The following NPIPB11 variants were observed in gnomAD, a reference collection of about 807,000 sequenced individuals.
NPIPB11 encodes the protein nuclear pore complex-interacting protein family member B11.
Under a neutral mutation model 32.8 loss-of-function variants are expected in NPIPB11, and 17 were observed. The ratio of observed to expected loss-of-function variants is 0.52; its 90% CI spans 0.35 to 0.78. The LOEUF (loss-of-function observed/expected upper bound fraction) is 0.78, where lower values mean the gene tolerates loss of function less well. Ranked by LOEUF, NPIPB11 falls within the 30% of genes least tolerant of loss-of-function variation. The pLI is 0.01. For missense variants in NPIPB11, 537 were observed against 1,000.4 expected, an observed-to-expected ratio of 0.54 and a Z score of 6.25; for synonymous variants, 209 against 398.4, an observed-to-expected ratio of 0.52 and a Z score of 5.66.
chr16:29,405,205 C>A (rs1269154840), upstream of NPIPB11, among the ~76,000 whole-genome samples: 2 of 151,994 alleles, frequency 1.3e-5, no homozygotes, highest in Admixed American at 6.6e-5. Context: ...TAGGAAAAAA[C>A]CCTCAATTTC....
chr16:29,402,682 G>A (rs575082591), intron 2 of NPIPB11, among the ~76,000 whole-genome samples: 14 of 149,400 alleles, frequency 9.4e-5, no homozygotes, highest in African/African-American at 2.0e-4. Context: ...CAGCCTGGGC[G>A]ACAGAGTGAA....
At position 29,400,346 on chromosome 16, in the gene NPIPB11, G is replaced by C. The variant is rs1179165706; in HGVS notation, c.120+3337C>G. Among the ~76,000 whole-genome samples the C allele has an allele frequency of 8.2e-4, 124 of 151,828 alleles. 1 individual carries two copies. Among genetic ancestry groups the C allele is most frequent in the African/African-American group, 2.7e-3 (112 of 41,278 alleles). ...AGCCAGGATCAACCTCCCTTGCAGGGGGTCCCTCATGGAGGCATGGCCAGG... is the reference window on the plus strand; with the variant it reads ...AGCCAGGATCAACCTCCCTTGCAGGCGGTCCCTCATGGAGGCATGGCCAGG... On this transcript the variant is annotated intron_variant, in intron 2 of 7. Coordinates refer to ENST00000524087, the Ensembl canonical transcript of NPIPB11.
chr16:29,400,040 C>G (rs3867585), intron 2 of NPIPB11, among the ~76,000 whole-genome samples: 14 of 151,906 alleles, frequency 9.2e-5, no homozygotes, highest in East Asian at 7.8e-4. Context: ...TCGTGCCATT[C>G]CACTCCAGCC....
intron 3 of NPIPB11, among the ~76,000 whole-genome samples, chr16:29,393,229 G>C (rs1466990160): frequency 6.6e-6 from 1 of 151,376 alleles, no homozygotes; most frequent in Non-Finnish European, 1.5e-5. Flanking sequence ...TTGGAGGGCA[G>C]TTCTAAGAGT....
At chr16:29,393,923 C>A in intron 3 of NPIPB11, 25 bp downstream of exon 3, 1 of 1,535,614 alleles carries the variant, frequency 6.5e-7, no homozygotes, top group South Asian at 1.2e-5. Context: ...ACAAGTATAC[C>A]TCTACAGAAA....
At chr16:29,399,139 G>A (rs1340734555) in intron 2 of NPIPB11, among the ~76,000 whole-genome samples, 1 of 151,772 alleles carries the variant, frequency 6.6e-6, no homozygotes, top group African/African-American at 2.4e-5. Context: ...GGACCCAGGG[G>A]TCTGGTGACC....
At chr16:29,383,085 G>A (rs757796571) in exon 8 of NPIPB11, 1 of 1,598,972 alleles carries the variant, frequency 6.3e-7, no homozygotes, top group African/African-American at 1.4e-5. Context: ...CATCTGCTGA[G>A]GGTGGAGCTG....
chr16:29,396,935 G>T lies in NPIPB11; in HGVS notation c.121-2859C>A, dbSNP rs1189313520. ...GAGGCTGAGGCAGGCGGATCACGAG[G>T]TCAAGAGATGGAGACTATCCTGGCG... On this transcript the variant is annotated intron_variant, in intron 2 of 7. Coordinates refer to ENST00000524087, the Ensembl canonical transcript of NPIPB11. Among the ~76,000 whole-genome samples, 94 of 151,988 alleles carry T rather than the reference G, an allele frequency of 6.2e-4. 3 individuals carry two copies. The East Asian group carries it at 0.018, about 28-fold the overall frequency.
chr16:29,391,667 T>G (rs1387656818), intron 3 of NPIPB11, among the ~76,000 whole-genome samples: 1 of 152,170 alleles, frequency 6.6e-6, no homozygotes, highest in Non-Finnish European at 1.5e-5. Context: ...GAAAATGCAA[T>G]GCAAATCCCA....
intron 2 of NPIPB11, among the ~76,000 whole-genome samples, chr16:29,402,732 G>C (rs373299047): frequency 0.02 from 2,424 of 122,780 alleles, 46 homozygotes; most frequent in African/African-American, 0.071. Flanking sequence ...CTCTGTGTGT[G>C]TGTGTGTGTG....
intron 3 of NPIPB11, among the ~76,000 whole-genome samples, chr16:29,390,883 A>C (rs1474782519): frequency 2.0e-5 from 3 of 150,442 alleles, no homozygotes; most frequent in Non-Finnish European, 4.4e-5. Flanking sequence ...TAATCACTTG[A>C]ACCCAGCAGG....
chr16:29,402,124 T>A (rs1018929739), intron 2 of NPIPB11, among the ~76,000 whole-genome samples: 22 of 149,798 alleles, frequency 1.5e-4, no homozygotes, highest in African/African-American at 5.5e-4. Flanking sequence ...CTCTGTAAAA[T>A]GAGGTGGCTA....
At chr16:29,402,724 C>CTCTCTCTCTCTCTCTCTGTG (rs1449821025) in intron 2 of NPIPB11, among the ~76,000 whole-genome samples, 1 of 119,634 alleles carries the variant, frequency 8.4e-6, no homozygotes, top group African/African-American at 3.3e-5. Context: ...CTCTCTCTCT[C>CTCTCTCTCTCTCTCTCTGTG]TGTGTGTGTG....
At chr16:29,388,966 G>T (rs1963636456) in intron 5 of NPIPB11, among the ~76,000 whole-genome samples, 1 of 142,328 alleles carries the variant, frequency 7.0e-6, no homozygotes, top group African/African-American at 2.6e-5. Flanking sequence ...GGAGGCCGAG[G>T]TGTGCGGATC....
At chr16:29,395,868 C>T (rs923020822) in intron 2 of NPIPB11, among the ~76,000 whole-genome samples, 6 of 150,958 alleles carry the variant, frequency 4.0e-5, no homozygotes, top group Non-Finnish European at 7.4e-5. Context: ...GTTCCAGCTA[C>T]TTGGGAGGCT....
chr16:29,389,873 C>T (rs527404375), intron 5 of NPIPB11, 68 bp downstream of exon 5: 7 of 1,576,006 alleles, frequency 4.4e-6, no homozygotes, highest in African/African-American at 2.7e-5. Flanking sequence ...TTCTCAAGGA[C>T]TTTACAGTTG....
chr16:29,381,984 G>A, exon 8 of NPIPB11: 1 of 1,178,146 alleles, frequency 8.5e-7, no homozygotes, highest in Non-Finnish European at 1.2e-6. Flanking sequence ...CTCGGAAGGT[G>A]TCTTGAGATT....
At chr16:29,406,693 G>A (rs187911595), upstream of NPIPB11, among the ~76,000 whole-genome samples, 178 of 151,800 alleles carry the variant, frequency 1.2e-3, 1 homozygote, top group African/African-American at 3.9e-3. Context: ...CCGCCTGGGT[G>A]ACAGAGGTAG....
chr16:29,383,102 G>T, exon 8 of NPIPB11: 1 of 1,597,246 alleles, frequency 6.3e-7, no homozygotes, highest in Non-Finnish European at 8.5e-7. Flanking sequence ...GCTGAGGGTG[G>T]AAGGGGAGTG....
Sources: allele counts gnomAD v4.1 joint callset (sites outside exome capture counted in the v4.1 genomes callset), GRCh38; gene constraint gnomAD v4.1.1; transcripts MANE v1.5; gene names NCBI Gene and HGNC (gene_info 2026-07-23, HGNC 2026-07-21).